Variants in KLF12 observed in about 807,000 individuals in gnomAD.
KLF12 encodes the protein KLF transcription factor 12.
Under a neutral mutation model 37.8 loss-of-function variants are expected in KLF12, and 9 were observed. That is an observed-to-expected ratio of 0.24 (90% CI 0.14 to 0.42). The LOEUF is 0.42. Ranked by LOEUF, KLF12 falls within the 10% of genes least tolerant of loss-of-function variation. The pLI is 1.00. For synonymous variants in KLF12, 208 were observed against 202.1 expected (o/e 1.03, Z -0.25); for missense variants, 411 against 516.0 (o/e 0.80, Z 1.97).
At chr13:74,104,292 G>C (rs1443825964) in intron 1 of KLF12, among the ~76,000 whole-genome samples, 1 of 152,208 alleles carries the variant, frequency 6.6e-6, no homozygotes, top group Non-Finnish European at 1.5e-5. Flanking sequence ...CTCATGCACT[G>C]TGTTATCTGA....
At chr13:74,045,852 G>A (rs1018913605) in intron 1 of KLF12, among the ~76,000 whole-genome samples, 7 of 152,312 alleles carry the variant, frequency 4.6e-5, no homozygotes, top group Admixed American at 2.0e-4. Context: ...CCTGCCCTGC[G>A]CTCCAAGCTG....
intron 2 of KLF12, among the ~76,000 whole-genome samples, chr13:73,981,173 C>T (rs1401494068): frequency 6.6e-6 from 1 of 151,974 alleles, no homozygotes; most frequent in African/African-American, 2.4e-5. Context: ...AACAAACAAA[C>T]AAACAAAAAA....
intron 5 of KLF12, among the ~76,000 whole-genome samples, chr13:73,795,637 A>G (rs1881918201): frequency 1.3e-5 from 2 of 152,178 alleles, no homozygotes; most frequent in Admixed American, 1.3e-4. Context: ...ACTAAATAAT[A>G]CCTGGGCACT....
At chr13:73,803,772 T>TCACACACACACACA (rs4053528) in intron 5 of KLF12, among the ~76,000 whole-genome samples, 15 of 141,950 alleles carry the variant, frequency 1.1e-4, no homozygotes, top group African/African-American at 3.4e-4. Context: ...TACTGCAGAG[T>TCACACACACACACA]CACACACACA....
At chr13:74,257,593 T>TA in the KLF12 span, 42 of 152,282 alleles carry the variant, frequency 2.8e-4, no homozygotes, top group African/African-American at 1.0e-3. Context: ...CCCAGAAACT[T>TA]AGAGGCAACC....
chr13:73,820,109 T>C (rs957793474), intron 4 of KLF12, among the ~76,000 whole-genome samples: 5 of 152,144 alleles, frequency 3.3e-5, no homozygotes, highest in African/African-American at 7.2e-5. Context: ...GATGACATGA[T>C]ACAAAATTTT....
At chr13:73,726,976 A>G (rs1330068912) in intron 6 of KLF12, among the ~76,000 whole-genome samples, 1 of 152,206 alleles carries the variant, frequency 6.6e-6, no homozygotes, top group East Asian at 1.9e-4. Flanking sequence ...AATTTCAGCA[A>G]TCCTAGAGGT....
At chr13:74,215,300 A>AATT in the KLF12 span, among the ~76,000 whole-genome samples, 1 of 151,568 alleles carries the variant, frequency 6.6e-6, no homozygotes, top group South Asian at 2.1e-4. Context: ...TTAACTTTTT[A>AATT]ATTTTAGCAA....
At chr13:74,137,567 C>A (rs1878595690), upstream of KLF12, among the ~76,000 whole-genome samples, 1 of 152,132 alleles carries the variant, frequency 6.6e-6, no homozygotes, top group South Asian at 2.1e-4. Flanking sequence ...AAACCACACC[C>A]AAACACCCTC....
At chr13:74,294,880 C>T in the KLF12 span, among the ~76,000 whole-genome samples, 4 of 152,156 alleles carry the variant, frequency 2.6e-5, no homozygotes, top group East Asian at 3.9e-4. Context: ...CACCTCCCTC[C>T]AATCCATCAT....
At chr13:74,276,323 G>A in the KLF12 span, among the ~76,000 whole-genome samples, 1 of 152,218 alleles carries the variant, frequency 6.6e-6, no homozygotes, top group South Asian at 2.1e-4. Flanking sequence ...ATGTTGTACA[G>A]GCTGATCTTC....
intron 3 of KLF12, among the ~76,000 whole-genome samples, chr13:73,888,157 C>T (rs1167413847): frequency 6.6e-6 from 1 of 152,056 alleles, no homozygotes; most frequent in African/African-American, 2.4e-5. Context: ...CGTCAGTCAC[C>T]AAGCCTAGCT....
the KLF12 span, among the ~76,000 whole-genome samples, chr13:74,253,436 A>G: frequency 6.6e-6 from 1 of 152,210 alleles, no homozygotes; most frequent in Non-Finnish European, 1.5e-5. Flanking sequence ...AGTGGTAGCT[A>G]AGTGGTTGTG....
chr13:74,151,189 G>A, the KLF12 span, among the ~76,000 whole-genome samples: 1 of 152,168 alleles, frequency 6.6e-6, no homozygotes, highest in South Asian at 2.1e-4. Context: ...AACGAGGACT[G>A]AAGAGTAATA....
At chr13:73,739,657 ACT>A (rs1877806597) in intron 6 of KLF12, among the ~76,000 whole-genome samples, 1 of 138,526 alleles carries the variant, frequency 7.2e-6, no homozygotes, top group South Asian at 2.2e-4. Context: ...TTCTCTAGAG[ACT>A]CTATGCAGCA....
intron 6 of KLF12, among the ~76,000 whole-genome samples, chr13:73,752,742 T>TTTG (rs1878863477): frequency 9.8e-6 from 1 of 101,582 alleles, no homozygotes; most frequent in Non-Finnish European, 2.0e-5. Flanking sequence ...TTTTTTTTTT[T>TTTG]TGACACAGAG....
chr13:74,235,611 A>T, the KLF12 span, among the ~76,000 whole-genome samples: 3 of 152,214 alleles, frequency 2.0e-5, no homozygotes, highest in African/African-American at 4.8e-5. Flanking sequence ...AAAATGAGAT[A>T]AGATCTTTAT....
At chr13:74,010,729 T>C (rs112831829) in intron 1 of KLF12, among the ~76,000 whole-genome samples, 6,502 of 152,230 alleles carry the variant, frequency 0.043, 195 homozygotes, top group African/African-American at 0.079. Context: ...AAAAGCTGCA[T>C]GAACCTCTCT....
chr13:74,250,787 T>C, the KLF12 span, among the ~76,000 whole-genome samples: 1 of 152,162 alleles, frequency 6.6e-6, no homozygotes, highest in African/African-American at 2.4e-5. Context: ...TTGCATAGTT[T>C]TATATTTTTT....
Sources: gnomAD v4.1 joint callset for allele counts (sites outside exome capture counted in the v4.1 genomes callset) on GRCh38, gnomAD v4.1.1 for gene constraint, MANE v1.5 for transcripts, NCBI Gene and HGNC (gene_info 2026-07-23, HGNC 2026-07-21) for gene names.